UNC5C: variants seen among roughly 807,000 people sequenced by gnomAD.
UNC5C encodes the protein netrin receptor UNC5C.
A neutral mutation model predicts 99.8 loss-of-function variants in UNC5C; 47 were observed. The ratio of observed to expected loss-of-function variants is 0.47; its 90% confidence interval spans 0.37 to 0.60. The LOEUF (loss-of-function observed/expected upper bound fraction) is 0.60, where lower values mean the gene tolerates loss of function less well. Ranked by LOEUF, UNC5C falls within the 20% of genes least tolerant of loss-of-function variation. The pLI is 0.00. For missense variants in UNC5C, 1,062 were observed against 1,165.9 expected, an observed-to-expected ratio of 0.91 and a Z score of 1.30; for synonymous variants, 487 against 452.2, an observed-to-expected ratio of 1.08 and a Z score of -0.98.
At chr4:95,308,903 T>C (rs561528484) in intron 2 of UNC5C, among the ~76,000 whole-genome samples, 3 of 151,502 alleles carry the variant, frequency 2.0e-5, no homozygotes, top group Admixed American at 6.6e-5. Context: ...AAAACTCCAA[T>C]GACAATTTTC....
chr4:95,532,625 G>T (rs1277768881), intron 1 of UNC5C, among the ~76,000 whole-genome samples: 1 of 152,062 alleles, frequency 6.6e-6, no homozygotes, highest in African/African-American at 2.4e-5. Flanking sequence ...TGTAAGAAGG[G>T]GTGAAGATCT....
chr4:95,354,133 C>T (rs146141307), intron 1 of UNC5C, among the ~76,000 whole-genome samples: 5 of 152,036 alleles, frequency 3.3e-5, no homozygotes, highest in South Asian at 2.1e-4. Flanking sequence ...CTTTCTGTTT[C>T]GGATTCCACT....
At chr4:95,222,121 A>C (rs1444713291) in intron 7 of UNC5C, 60 of 933,864 alleles carry the variant, frequency 6.4e-5, no homozygotes, top group Non-Finnish European at 8.9e-5. Context: ...CTGTGTGCAC[A>C]TCTGTAATCC....
chr4:95,205,320 T>G (rs1320381316), intron 11 of UNC5C, among the ~76,000 whole-genome samples: 1 of 152,210 alleles, frequency 6.6e-6, no homozygotes, highest in Non-Finnish European at 1.5e-5. Flanking sequence ...TTCAGATACA[T>G]CATTTAAAGC....
At chr4:95,256,853 G>A (rs1031063415) in intron 4 of UNC5C, among the ~76,000 whole-genome samples, 1 of 151,746 alleles carries the variant, frequency 6.6e-6, no homozygotes. Flanking sequence ...GTCAGGAAGG[G>A]TCCAGCATGG....
At chr4:95,208,141 G>A (rs990211637) in intron 10 of UNC5C, among the ~76,000 whole-genome samples, 2 of 152,152 alleles carry the variant, frequency 1.3e-5, no homozygotes, top group African/African-American at 4.8e-5. Context: ...CACTCAAATA[G>A]TATGAGAGAG....
At chr4:95,218,540 CTGA>C (rs1411485014) in intron 9 of UNC5C, among the ~76,000 whole-genome samples, 1 of 152,098 alleles carries the variant, frequency 6.6e-6, no homozygotes, top group African/African-American at 2.4e-5. Context: ...TATGATACCT[CTGA>C]TGATCAAAAA....
At chr4:95,242,814 A>C (rs138017985) in intron 6 of UNC5C, among the ~76,000 whole-genome samples, 4,260 of 152,284 alleles carry the variant, frequency 0.028, 79 homozygotes, top group South Asian at 0.08. Flanking sequence ...TGACCAAGCC[A>C]AGGGAGGCTG....
chr4:95,212,004 T>C (rs966804527), intron 10 of UNC5C, among the ~76,000 whole-genome samples: 1 of 152,150 alleles, frequency 6.6e-6, no homozygotes, highest in Non-Finnish European at 1.5e-5. Flanking sequence ...AGGAGAAAGA[T>C]CACTGTGTTT....
intron 5 of UNC5C, chr4:95,248,478 C>T (rs1310542716): frequency 2.2e-6 from 1 of 449,384 alleles, no homozygotes; most frequent in African/African-American, 2.0e-5. Flanking sequence ...TCCCCGTGGT[C>T]TCAACTTCCT....
intron 1 of UNC5C, among the ~76,000 whole-genome samples, chr4:95,467,061 C>T (rs1343353806): frequency 6.6e-6 from 1 of 152,104 alleles, no homozygotes; most frequent in Non-Finnish European, 1.5e-5. Flanking sequence ...GGCCTCCTGC[C>T]AACAGCCACA....
chr4:95,247,731 T>C (rs1327438556), intron 5 of UNC5C, among the ~76,000 whole-genome samples: 1 of 152,230 alleles, frequency 6.6e-6, no homozygotes, highest in Admixed American at 6.5e-5. Context: ...CGTTTGATCC[T>C]TCCTAAAGAC....
intron 1 of UNC5C, among the ~76,000 whole-genome samples, chr4:95,403,129 T>C (rs1745744988): frequency 6.6e-6 from 1 of 152,098 alleles, no homozygotes; most frequent in Admixed American, 6.5e-5. Context: ...GGAATAAGTG[T>C]GGTAGGCAAT....
At chr4:95,333,472 C>CA (rs1179104578) in intron 2 of UNC5C, among the ~76,000 whole-genome samples, 1 of 149,348 alleles carries the variant, frequency 6.7e-6, no homozygotes, top group East Asian at 2.0e-4. Context: ...ATCACAAGGA[C>CA]AAAAAACCAA....
intron 14 of UNC5C, among the ~76,000 whole-genome samples, chr4:95,179,324 A>C (rs1016084002): frequency 1.3e-5 from 2 of 152,258 alleles, no homozygotes; most frequent in African/African-American, 4.8e-5. Flanking sequence ...TACTTTGTAC[A>C]TTTATTTTAA....
chr4:95,349,303 A>C (rs1743895328), intron 1 of UNC5C, among the ~76,000 whole-genome samples: 1 of 122,784 alleles, frequency 8.1e-6, no homozygotes, highest in Non-Finnish European at 1.8e-5. Context: ...GACAAAAATA[A>C]AAAGAATGAG....
intron 1 of UNC5C, among the ~76,000 whole-genome samples, chr4:95,467,267 G>A (rs1188739444): frequency 6.6e-6 from 1 of 152,150 alleles, no homozygotes; most frequent in Admixed American, 6.5e-5. Context: ...GCTAAATGTT[G>A]GGGTAATTTG....
intron 10 of UNC5C, among the ~76,000 whole-genome samples, chr4:95,215,327 A>C (rs114946426): frequency 0.042 from 6,410 of 152,344 alleles, 180 homozygotes; most frequent in Middle Eastern, 0.088. Context: ...CCATTTTAAC[A>C]ACATCTTTCA....
intron 2 of UNC5C, among the ~76,000 whole-genome samples, chr4:95,333,808 G>T (rs1041870074): frequency 3.3e-5 from 5 of 152,010 alleles, no homozygotes; most frequent in African/African-American, 1.2e-4. Context: ...TGAATATGTT[G>T]TAACGTATTT....
Sources: gnomAD v4.1 joint callset for allele counts (sites outside exome capture counted in the v4.1 genomes callset) on GRCh38, gnomAD v4.1.1 for gene constraint, MANE v1.5 for transcripts, NCBI Gene and HGNC (gene_info 2026-07-23, HGNC 2026-07-21) for gene names.